The following DAB2IP variants were observed in gnomAD, a reference collection of about 807,000 sequenced individuals.
DAB2IP encodes DAB2 interacting protein.
A neutral mutation model predicts 107.2 loss-of-function variants in DAB2IP; 28 were observed. That is an observed-to-expected ratio of 0.26 (90% CI 0.19 to 0.36). The LOEUF (loss-of-function observed/expected upper bound fraction) is 0.36. Ranked by LOEUF, DAB2IP falls within the 10% of genes least tolerant of loss-of-function variation. The pLI is 1.00. For synonymous variants in DAB2IP, 755 were observed against 706.4 expected (o/e 1.07, Z -1.09); for missense variants, 1,400 against 1,644.7 (o/e 0.85, Z 2.57).
intron 1 of DAB2IP, among the ~76,000 whole-genome samples, chr9:121,583,401 A>G (rs914521419): frequency 1.3e-5 from 2 of 152,130 alleles, no homozygotes; most frequent in Non-Finnish European, 2.9e-5. Flanking sequence ...AAAAACAAAA[A>G]AGAAAAGGGA....
At chr9:121,710,042 G>A (rs1328356486) in intron 3 of DAB2IP, among the ~76,000 whole-genome samples, 5 of 152,102 alleles carry the variant, frequency 3.3e-5, no homozygotes, top group Non-Finnish European at 7.4e-5. Context: ...TCACAGCCAA[G>A]GAAGCGTGAG....
At chr9:121,705,399 A>G (rs1003833069) in intron 3 of DAB2IP, among the ~76,000 whole-genome samples, 3 of 152,244 alleles carry the variant, frequency 2.0e-5, no homozygotes, top group Non-Finnish European at 2.9e-5. Context: ...ATATGGGGTG[A>G]GACTGTATAA....
At position 121,782,531 on chromosome 9, in the gene DAB2IP, G is replaced by C. The variant is rs56186860; in HGVS notation, c.*33G>C. On this transcript the variant is annotated 3_prime_UTR_variant, in exon 16 of 16. Coordinates refer to ENST00000408936, the Ensembl canonical transcript of DAB2IP. The surrounding 1 kb of genome is among the most constrained non-coding windows in gnomAD (Gnocchi z 6.1). ...GAGGAGGGAGGAAGCTACCCAAGGAGAGGGGGACTATGGTGGCCAAGGGCA... is the reference window on the plus strand; with the variant it reads ...GAGGAGGGAGGAAGCTACCCAAGGACAGGGGGACTATGGTGGCCAAGGGCA... 8.1e-6 allele frequency: 13 copies of C among 1,609,378 alleles called. No individual in the cohort carries two copies. The highest frequency in any genetic ancestry group is 1.7e-4 in the Middle Eastern group (1 of 6,042).
At chr9:121,678,768 C>G in exon 2 of DAB2IP, 1 of 1,593,762 alleles carries the variant, frequency 6.3e-7, no homozygotes, top group Admixed American at 1.7e-5. Flanking sequence ...GCCGCCACGC[C>G]GTTCCGGGTC....
At chr9:121,674,071 C>T (rs368119121) in intron 1 of DAB2IP, among the ~76,000 whole-genome samples, 75 of 152,190 alleles carry the variant, frequency 4.9e-4, no homozygotes, top group Admixed American at 2.0e-4. Flanking sequence ...CTAGGGACAG[C>T]GGGGGCTGCT....
chr9:121,690,669 G>A (rs1157085758), intron 2 of DAB2IP, among the ~76,000 whole-genome samples: 1 of 152,162 alleles, frequency 6.6e-6, no homozygotes. Context: ...GTACCAGGAG[G>A]GCTCTGCTGA....
In DAB2IP at chr9:121,756,551, CTGTTGGCAGTGGTATGCTGGATAAA is replaced by C. The variant is rs1175979856; in HGVS notation, c.363-455_363-431del. 7.2e-5 allele frequency among the ~76,000 whole-genome samples: 11 copies of C among 152,346 alleles called. No individual in the cohort carries two copies. The East Asian group carries it at 2.1e-3, about 29-fold the overall frequency. The stretch of plus-strand genomic sequence containing the variant: ...GTGTGGGACAGTGTATGAGGAAGGG[CTGTTGGCAGTGGTATGCTGGATAAA>C]TGTTGGGGCAGAGTGACTGCTCAGT... On this transcript the variant is annotated intron_variant, in intron 3 of 15. Coordinates refer to ENST00000408936, the Ensembl canonical transcript of DAB2IP.
At chr9:121,638,569 C>T (rs570980071) in intron 1 of DAB2IP, among the ~76,000 whole-genome samples, 25 of 152,104 alleles carry the variant, frequency 1.6e-4, no homozygotes, top group African/African-American at 5.6e-4. Context: ...AGAGTGAATG[C>T]GAGTCAGCCA....
chr9:121,767,820 A>G (rs180696146), intron 9 of DAB2IP, among the ~76,000 whole-genome samples: 1 of 152,302 alleles, frequency 6.6e-6, no homozygotes, highest in East Asian at 1.9e-4. Context: ...CGGGTACAGG[A>G]GGCAGTGGCT....
At chr9:121,643,013 C>G (rs1466011563) in intron 1 of DAB2IP, among the ~76,000 whole-genome samples, 3 of 150,784 alleles carry the variant, frequency 2.0e-5, no homozygotes, top group Non-Finnish European at 4.5e-5. Context: ...ATGCAAACGC[C>G]CTGAGGTGGG....
At chr9:121,751,889 C>T in intron 3 of DAB2IP, 1 of 982,900 alleles carries the variant, frequency 1.0e-6, no homozygotes, top group Non-Finnish European at 1.2e-6. Context: ...GCAGGTCACC[C>T]TAGCCATGGC....
intron 1 of DAB2IP, among the ~76,000 whole-genome samples, chr9:121,597,673 G>A (rs143657710): frequency 3.0e-4 from 45 of 152,208 alleles, no homozygotes; most frequent in Admixed American, 1.3e-3. Flanking sequence ...CTATCTCTTG[G>A]AGTTCTAAAA....
Position 121,635,129 on chromosome 9 carries a change from C to T in DAB2IP, c.41-43549C>T, listed in dbSNP as rs584164. Among the ~76,000 whole-genome samples, 3,137 of 152,194 alleles carry T rather than the reference C, an allele frequency of 0.021. 122 individuals are homozygous for T. Among genetic ancestry groups the T allele is most frequent in the African/African-American group, 0.071 (2,941 of 41,516 alleles). On this transcript the variant is annotated intron_variant, in intron 1 of 16. Transcript: ENST00000259371. This position sits in a 1 kb window ranked among gnomAD's most constrained non-coding sequence, Gnocchi z 4.3. ...TATGGAGTGGAGGGGGCTGGAGAGG[C>T]CAGGCCTCCGTGTGGCCGGTCAATG...
intron 2 of DAB2IP, among the ~76,000 whole-genome samples, chr9:121,682,392 A>AGTCACG (rs1475796838): frequency 1.3e-5 from 2 of 152,200 alleles, no homozygotes; most frequent in African/African-American, 2.4e-5. Flanking sequence ...AGAATCAATG[A>AGTCACG]GTCACGGTGT....
At chr9:121,657,633 G>A (rs978861063) in intron 1 of DAB2IP, among the ~76,000 whole-genome samples, 2 of 152,084 alleles carry the variant, frequency 1.3e-5, no homozygotes, top group Non-Finnish European at 2.9e-5. Flanking sequence ...CACTGGACTC[G>A]AAAGCTCATG....
chr9:121,738,340 C>G (rs1832079129), intron 3 of DAB2IP, among the ~76,000 whole-genome samples: 1 of 152,206 alleles, frequency 6.6e-6, no homozygotes, highest in Non-Finnish European at 1.5e-5. Flanking sequence ...ATGTCTGTCT[C>G]TCTCTCTCTC....
rs185074973 is a variant in DAB2IP at position 121,747,282 on chromosome 9, G to T, written c.363-9731G>T. Among the ~76,000 whole-genome samples, 397 of 151,808 alleles carry T rather than the reference G, an allele frequency of 2.6e-3. 3 individuals are homozygous for T. Among genetic ancestry groups the T allele is most frequent in the African/African-American group, 8.9e-3 (367 of 41,372 alleles). On this transcript the variant is annotated intron_variant, in intron 3 of 15. Transcript: ENST00000408936. ...GAAGCAAGAGGGGCAGGGGCAGCTA[G>T]CCCACAGCTCACTTCTGATTTGCCC...
At chr9:121,603,971 A>T (rs1830778576) in intron 1 of DAB2IP, among the ~76,000 whole-genome samples, 1 of 152,152 alleles carries the variant, frequency 6.6e-6, no homozygotes, top group African/African-American at 2.4e-5. Context: ...CAGTGGGGCC[A>T]GGACACCTGG....
chr9:121,616,595 G>A lies in DAB2IP; in HGVS notation c.40+49367G>A, dbSNP rs556763261. Among the ~76,000 whole-genome samples the A allele has an allele frequency of 9.8e-5, 15 of 152,304 alleles. No individual in the cohort carries two copies. In the East Asian group the frequency reaches 1.9e-3, roughly 20 times the overall value. On this transcript the variant is annotated intron_variant, in intron 1 of 16. Transcript: ENST00000259371. ...GCTTTGAATTTTTCCCCACTTATACGGAAGGTGTGTGGGTTGCATGGGAGC... is the reference window on the plus strand; with the variant it reads ...GCTTTGAATTTTTCCCCACTTATACAGAAGGTGTGTGGGTTGCATGGGAGC...
Sources: allele counts gnomAD v4.1 joint callset (sites outside exome capture counted in the v4.1 genomes callset), GRCh38; gene constraint gnomAD v4.1.1; non-coding constraint Gnocchi (gnomAD v3.1); transcripts MANE v1.5; gene names NCBI Gene and HGNC (gene_info 2026-07-23, HGNC 2026-07-21).